The following RBFOX1 variants were observed in gnomAD, a reference collection of about 807,000 sequenced individuals.
The protein encoded by RBFOX1 is RNA binding protein fox-1 homolog 1.
In RBFOX1, 8 loss-of-function variants were observed where a neutral mutation model predicts 57.7. The ratio of observed to expected loss-of-function variants is 0.14; its 90% confidence interval spans 0.08 to 0.25. The LOEUF (loss-of-function observed/expected upper bound fraction) is 0.25, where lower values mean the gene tolerates loss of function less well. Among genes scored for constraint, RBFOX1 ranks in the 10% least tolerant of loss-of-function variants. The pLI, the probability that RBFOX1 is intolerant of heterozygous loss-of-function variation, is 1.00. For synonymous variants in RBFOX1, 326 were observed against 222.4 expected, an observed-to-expected ratio of 1.47 and a Z score of -4.15; for missense variants, 611 against 548.5, an observed-to-expected ratio of 1.11 and a Z score of -1.14.
intron 1 of RBFOX1, among the ~76,000 whole-genome samples, chr16:6,306,037 C>A (rs763962168): frequency 6.6e-6 from 1 of 152,062 alleles, no homozygotes; most frequent in South Asian, 2.1e-4. Context: ...CTTCACTGAG[C>A]CCATATTTAA....
At chr16:5,304,333 T>C (rs574329294) in intron 1 of RBFOX1, among the ~76,000 whole-genome samples, 3 of 152,358 alleles carry the variant, frequency 2.0e-5, no homozygotes, top group Non-Finnish European at 4.4e-5. Context: ...TCCTAAGTGG[T>C]AGTCCTGTAG....
intron 3 of RBFOX1, among the ~76,000 whole-genome samples, chr16:5,759,944 C>G (rs1053367992): frequency 1.3e-5 from 2 of 151,400 alleles, no homozygotes; most frequent in African/African-American, 2.4e-5. Flanking sequence ...GTGCGTATTT[C>G]AACTGCACTG....
intron 2 of RBFOX1, among the ~76,000 whole-genome samples, chr16:6,418,187 A>G (rs142955035): frequency 1.9e-3 from 284 of 152,224 alleles, no homozygotes; most frequent in African/African-American, 6.1e-3. Context: ...TATTTCCCCT[A>G]TTTTACCGAA....
At chr16:5,617,641 G>A (rs2048076467) in intron 3 of RBFOX1, among the ~76,000 whole-genome samples, 1 of 152,202 alleles carries the variant, frequency 6.6e-6, no homozygotes, top group African/African-American at 2.4e-5. Flanking sequence ...TTTATTCTCA[G>A]GTATTCAGTG....
intron 2 of RBFOX1, among the ~76,000 whole-genome samples, chr16:6,584,569 A>AT (rs1397196968): frequency 1.3e-5 from 2 of 151,828 alleles, no homozygotes; most frequent in Non-Finnish European, 2.9e-5. Flanking sequence ...GGGTTTTGCC[A>AT]TGTTGACCAG....
At chr16:5,760,295 A>T (rs2151642332) in intron 3 of RBFOX1, among the ~76,000 whole-genome samples, 1 of 152,202 alleles carries the variant, frequency 6.6e-6, no homozygotes, top group South Asian at 2.1e-4. Flanking sequence ...AACAAGACAA[A>T]ATTTCTTCCC....
chr16:6,772,769 G>T (rs565684718), intron 3 of RBFOX1, among the ~76,000 whole-genome samples: 6 of 150,414 alleles, frequency 4.0e-5, no homozygotes, highest in Non-Finnish European at 4.4e-5. Flanking sequence ...GTGTGCATAT[G>T]TTGGGATGTG....
intron 10 of RBFOX1, among the ~76,000 whole-genome samples, chr16:7,628,252 G>T (rs1368291225): frequency 1.3e-5 from 2 of 152,124 alleles, no homozygotes; most frequent in African/African-American, 4.8e-5. Context: ...CAGGAGAGAA[G>T]GTTGAGGAGC....
chr16:6,469,105 A>G (rs1049471877), intron 2 of RBFOX1, among the ~76,000 whole-genome samples: 5 of 152,176 alleles, frequency 3.3e-5, no homozygotes, highest in Non-Finnish European at 7.3e-5. Flanking sequence ...CAGAGAGTAT[A>G]TGATGCTGCA....
intron 2 of RBFOX1, among the ~76,000 whole-genome samples, chr16:6,564,612 G>C (rs539486306): frequency 1.3e-5 from 2 of 152,254 alleles, no homozygotes; most frequent in East Asian, 3.9e-4. Context: ...CTTGGAAGCA[G>C]AGAGTAGAAA....
chr16:5,514,296 T>G (rs1361247317), intron 2 of RBFOX1, among the ~76,000 whole-genome samples: 1 of 152,228 alleles, frequency 6.6e-6, no homozygotes. Context: ...GCCATGTCTC[T>G]CATCCTTGTC....
intron 4 of RBFOX1, among the ~76,000 whole-genome samples, chr16:7,087,971 A>G (rs190775117): frequency 3.9e-5 from 6 of 152,284 alleles, no homozygotes; most frequent in Admixed American, 2.0e-4. Context: ...AGCCCAGAGT[A>G]ATCGCATTTT....
chr16:7,026,117 G>A (rs968759294), intron 3 of RBFOX1, among the ~76,000 whole-genome samples: 1 of 152,162 alleles, frequency 6.6e-6, no homozygotes, highest in East Asian at 1.9e-4. Context: ...TCACAGGCCA[G>A]GGTGGAAATG....
chr16:6,381,281 T>A (rs1324627351), intron 2 of RBFOX1, among the ~76,000 whole-genome samples: 1 of 152,216 alleles, frequency 6.6e-6, no homozygotes, highest in Non-Finnish European at 1.5e-5. Flanking sequence ...ATCACTGGAA[T>A]AGTAAACATT....
chr16:7,683,362 A>C (rs1003274498), intron 14 of RBFOX1, among the ~76,000 whole-genome samples: 2 of 151,844 alleles, frequency 1.3e-5, no homozygotes, highest in Non-Finnish European at 2.9e-5. Context: ...GTTAAAAGAA[A>C]ATGTGTTCAA....
intron 4 of RBFOX1, among the ~76,000 whole-genome samples, chr16:7,400,825 C>A (rs1429425212): frequency 6.6e-6 from 1 of 152,204 alleles, no homozygotes; most frequent in Non-Finnish European, 1.5e-5. Context: ...GTCCACAATG[C>A]TGTTGGTGCG....
At chr16:7,659,646 T>C (rs1205224029) in intron 12 of RBFOX1, among the ~76,000 whole-genome samples, 3 of 152,206 alleles carry the variant, frequency 2.0e-5, no homozygotes, top group African/African-American at 7.2e-5. Flanking sequence ...TGGATTTGTG[T>C]TGGGGCTGCA....
At chr16:5,360,396 A>G (rs968774625) in intron 1 of RBFOX1, among the ~76,000 whole-genome samples, 7 of 152,182 alleles carry the variant, frequency 4.6e-5, no homozygotes, top group African/African-American at 1.7e-4. Context: ...CTCAATGTGC[A>G]CGTGGTTTCC....
At chr16:6,733,501 T>A (rs747827300) in intron 3 of RBFOX1, among the ~76,000 whole-genome samples, 1 of 152,176 alleles carries the variant, frequency 6.6e-6, no homozygotes, top group Non-Finnish European at 1.5e-5. Flanking sequence ...ATTTGCTAGG[T>A]CAAGCTAGTC....
Sources: gnomAD v4.1 joint callset for allele counts (sites outside exome capture counted in the v4.1 genomes callset) on GRCh38, gnomAD v4.1.1 for gene constraint, MANE v1.5 for transcripts, NCBI Gene and HGNC (gene_info 2026-07-23, HGNC 2026-07-21) for gene names.